LRP6: variants seen among roughly 807,000 people sequenced by gnomAD.
LRP6 encodes the protein LDL receptor related protein 6, also known as low-density lipoprotein receptor-related protein 6.
Under a neutral mutation model 184.1 loss-of-function variants are expected in LRP6, and 43 were observed. The observed-to-expected ratio is 0.23, with a 90% CI of 0.18 to 0.30. LRP6 has a LOEUF of 0.30. Among genes scored for constraint, LRP6 ranks in the 10% least tolerant of loss-of-function variants. The pLI, the probability that LRP6 is intolerant of heterozygous loss-of-function variation, is 1.00. For synonymous variants in LRP6, 719 were observed against 684.9 expected (o/e 1.05, Z -0.78); for missense variants, 1,571 against 2,005.3 (o/e 0.78, Z 4.14).
chr12:12,192,121 G>T (rs2137016428), intron 3 of LRP6, among the ~76,000 whole-genome samples: 1 of 152,006 alleles, frequency 6.6e-6, no homozygotes, highest in East Asian at 1.9e-4. Context: ...TAATAGAAAT[G>T]AACTATAAAT....
At chr12:12,240,884 TG>T (rs1287985352) in intron 2 of LRP6, among the ~76,000 whole-genome samples, 3 of 152,182 alleles carry the variant, frequency 2.0e-5, no homozygotes, top group Non-Finnish European at 4.4e-5. Context: ...ATAAGACAAC[TG>T]TTTACTGTAA....
At chr12:12,171,471 G>A (rs554985338) in intron 7 of LRP6, among the ~76,000 whole-genome samples, 4 of 151,924 alleles carry the variant, frequency 2.6e-5, no homozygotes, top group Admixed American at 1.3e-4. Context: ...GCAGTGCACC[G>A]AGACTGTGCC....
At chr12:12,159,204 T>C (rs756364344) in intron 11 of LRP6, 49 bp from the exon 12 acceptor site, 10 of 1,401,590 alleles carry the variant, frequency 7.1e-6, no homozygotes, top group Admixed American at 3.4e-5. Context: ...TGATGAAATA[T>C]GTGAGAATAC....
At chr12:12,211,193 T>C (rs1038239610) in intron 2 of LRP6, 2 of 152,254 alleles carry the variant, frequency 1.3e-5, no homozygotes, top group African/African-American at 4.8e-5. Flanking sequence ...TCCCGGCACT[T>C]TGGGAGGCCA....
rs78595660 is a variant in LRP6, at chr12:12,259,488, T to G, written c.55+7193A>C. Reference sequence around the variant, plus strand: ...AAGATATTACAGAAACTACAAGTTATGATACCGCTAAAAGGATCACAGCAT... The same window carrying G: ...AAGATATTACAGAAACTACAAGTTAGGATACCGCTAAAAGGATCACAGCAT... On this transcript the variant is annotated intron_variant, in intron 1 of 22. Transcript: ENST00000261349. Among the ~76,000 whole-genome samples the G allele has an allele frequency of 3.5e-4, 53 of 152,282 alleles. No individual in the cohort carries two copies. In the East Asian group the frequency reaches 9.4e-3, roughly 27 times the overall value.
intron 18 of LRP6, 39 bp downstream of exon 18, chr12:12,131,782 A>C (rs1949762067): frequency 1.9e-6 from 3 of 1,552,630 alleles, no homozygotes; most frequent in Non-Finnish European, 2.7e-6. Context: ...GAATGGGAAA[A>C]AAGGATTGCA....
intron 12 of LRP6, among the ~76,000 whole-genome samples, chr12:12,153,526 T>C (rs968807376): frequency 6.6e-6 from 1 of 152,232 alleles, no homozygotes; most frequent in Non-Finnish European, 1.5e-5. Context: ...GAAAGCCATA[T>C]GTGGCTCCAA....
At chr12:12,126,357 T>C (rs1355262344) in intron 20 of LRP6, among the ~76,000 whole-genome samples, 2 of 152,232 alleles carry the variant, frequency 1.3e-5, no homozygotes, top group African/African-American at 4.8e-5. Flanking sequence ...TAGAGTTCCC[T>C]GGTGGTGAAC....
chr12:12,162,962 C>A (rs533040008), intron 9 of LRP6, among the ~76,000 whole-genome samples: 1 of 152,200 alleles, frequency 6.6e-6, no homozygotes, highest in African/African-American at 2.4e-5. Context: ...AACAGTCCTG[C>A]AAGTATGGCA....
At chr12:12,186,676 T>TTTG in intron 4 of LRP6, 4 of 407,522 alleles carry the variant, frequency 9.8e-6, no homozygotes, top group South Asian at 3.1e-5. Context: ...TTTTTTTTTT[T>TTTG]GAGACACAGT....
chr12:12,136,419 T>G (rs1009071483), intron 16 of LRP6, among the ~76,000 whole-genome samples: 1 of 152,144 alleles, frequency 6.6e-6, no homozygotes, highest in Non-Finnish European at 1.5e-5. Flanking sequence ...AGAAACAAAA[T>G]TATTTGGTCA....
At chr12:12,146,019 T>C (rs1950002352) in intron 15 of LRP6, among the ~76,000 whole-genome samples, 1 of 152,192 alleles carries the variant, frequency 6.6e-6, no homozygotes, top group African/African-American at 2.4e-5. Context: ...TAAACAAAAC[T>C]AGATCTTAAG....
In LRP6 at chr12:12,252,078, T is replaced by C. The variant is rs573450131; in HGVS notation, c.56-7423A>G. ...CCAGCTAATTTCTGTAGAGACAGGA[T>C]CCCACCACGTTGCCCAGGCTGGTCT... On this transcript the variant is annotated intron_variant, in intron 1 of 22. Coordinates refer to ENST00000261349, the MANE Select transcript of LRP6 (RefSeq NM_002336.3). 8.5e-5 allele frequency among the ~76,000 whole-genome samples: 13 copies of C among 152,256 alleles called. 1 individual carries two copies. The highest frequency in any genetic ancestry group is 3.4e-3 in the Middle Eastern group (1 of 294).
intron 2 of LRP6, among the ~76,000 whole-genome samples, chr12:12,231,053 C>T (rs534708407): frequency 4.9e-4 from 75 of 151,584 alleles, no homozygotes; most frequent in African/African-American, 1.8e-3. Context: ...TGATGGCAGG[C>T]GCCTGTAATC....
intron 15 of LRP6, among the ~76,000 whole-genome samples, chr12:12,145,630 T>C (rs572508354): frequency 2.6e-4 from 33 of 126,044 alleles, no homozygotes; most frequent in African/African-American, 3.4e-4. Flanking sequence ...TTTTCTTTTT[T>C]TTTTTTTTTT....
intron 3 of LRP6, among the ~76,000 whole-genome samples, chr12:12,191,559 A>G (rs1863616186): frequency 6.6e-6 from 1 of 152,220 alleles, no homozygotes; most frequent in Non-Finnish European, 1.5e-5. Context: ...AATATTAAAA[A>G]TAAGAAAAGG....
At chr12:12,163,549 T>A (rs1321192659) in intron 9 of LRP6, among the ~76,000 whole-genome samples, 2 of 152,238 alleles carry the variant, frequency 1.3e-5, no homozygotes, top group African/African-American at 4.8e-5. Context: ...GTAACTATTC[T>A]AGGAAGAAGA....
In LRP6 at chr12:12,116,167, G is replaced by C. The variant is rs1949517866; in HGVS notation, c.*4959C>G. 1 of 152,150 alleles carries C rather than the reference G, an allele frequency of 6.6e-6. No individual in the cohort carries two copies. Among genetic ancestry groups the C allele is most frequent in the South Asian group, 2.1e-4 (1 of 4,828 alleles). 9.4% of individuals were successfully genotyped at this position (152,150 alleles called of 1,614,324 possible). On this transcript the variant is annotated 3_prime_UTR_variant, in exon 23 of 23. Coordinates refer to ENST00000261349, the MANE Select transcript of LRP6 (RefSeq NM_002336.3). ...AAAGCACTTATTTTACAAAAGGAGG[G>C]AAGTGAATAAGTGGACAAGGGCTGA...
At chr12:12,260,068 A>T (rs2135944195) in intron 1 of LRP6, among the ~76,000 whole-genome samples, 1 of 152,320 alleles carries the variant, frequency 6.6e-6, no homozygotes, top group African/African-American at 2.4e-5. Context: ...TAAAATAGTT[A>T]TGGCTGCAAT....
Sources: gnomAD v4.1 joint callset for allele counts (sites outside exome capture counted in the v4.1 genomes callset) on GRCh38, gnomAD v4.1.1 for gene constraint, MANE v1.5 for transcripts, NCBI Gene and HGNC (gene_info 2026-07-23, HGNC 2026-07-21) for gene names.